Variants in HNRNPK observed in about 807,000 individuals in gnomAD.
HNRNPK encodes heterogeneous nuclear ribonucleoprotein K, also known as dC-stretch binding protein.
A neutral mutation model predicts 67.0 loss-of-function variants in HNRNPK; 7 were observed. That is an observed-to-expected ratio of 0.10 (90% confidence interval 0.06 to 0.20). HNRNPK has a LOEUF of 0.20. Ranked by LOEUF, HNRNPK falls within the 10% of genes least tolerant of loss-of-function variation. HNRNPK has a pLI of 1.00. For synonymous variants in HNRNPK, 213 were observed against 193.7 expected, an observed-to-expected ratio of 1.10 and a Z score of -0.83; for missense variants, 264 against 606.5, an observed-to-expected ratio of 0.44 and a Z score of 5.93.
intron 1 of HNRNPK, among the ~76,000 whole-genome samples, chr9:83,979,909 C>G (rs1056466500): frequency 6.6e-6 from 1 of 152,200 alleles, no homozygotes; most frequent in Non-Finnish European, 1.5e-5. Context: ...GTTCCCAGTG[C>G]CACATAGCTC....
intron 7 of HNRNPK, among the ~76,000 whole-genome samples, chr9:83,974,181 C>T (rs866899005): frequency 6.6e-6 from 1 of 152,028 alleles, no homozygotes; most frequent in East Asian, 1.9e-4. Context: ...AAAATCCTAA[C>T]TAAATCTAAC....
chr9:83,971,839 G>A, intron 11 of HNRNPK, 43 bp downstream of exon 11: 1 of 1,563,156 alleles, frequency 6.4e-7, no homozygotes, highest in Non-Finnish European at 8.7e-7. Context: ...ATAATTCATA[G>A]ATGGGGGAAG....
chr9:83,970,470 G>T, intron 15 of HNRNPK, 139 bp from the exon 16 acceptor site: 1 of 719,736 alleles, frequency 1.4e-6, no homozygotes, highest in Non-Finnish European at 2.3e-6. Context: ...ACCTGTCAAG[G>T]TTTGAGTTAT....
Position 83,972,088 on chromosome 9 carries a change from G to A in HNRNPK, c.747C>T (p.Arg249=), listed in dbSNP as rs371702754. ...FTMMFDDRRG[R]PVGFPMRGRG... ...TTCCCCGCATGGGAAATCCCACTGG[G>A]CGTCCGCGACGGTCATCAAACATCA... is the stretch of plus-strand genomic sequence containing the variant. Residue 249 remains arginine (R), a synonymous_variant, in exon 11 of 17, where the codon CGC becomes CGT. Transcript: ENST00000376263. 3 of 1,613,798 alleles carry A rather than the reference G, an allele frequency of 1.9e-6. No homozygotes were observed. The African/African-American group carries it at 4.0e-5, about 22-fold the overall frequency.
chr9:83,975,006 T>C (rs1052261382), intron 6 of HNRNPK, among the ~76,000 whole-genome samples: 2 of 152,210 alleles, frequency 1.3e-5, no homozygotes, highest in Non-Finnish European at 2.9e-5. Flanking sequence ...AGTAAGGTTA[T>C]GAATACCAGT....
In HNRNPK at chr9:83,974,550, T is replaced by C; in HGVS notation, c.297A>G (p.Glu99=). The change falls in exon 7 of 17, where the codon GAA becomes GAG. Residue 99 remains glutamate (E), a synonymous_variant. Transcript: ENST00000376263. ...AGGTAGGGATGATTTTCTTCAGAAT[T>C]TCTCCAATTGTTTCAATATCAGCAC... The part of the protein sequence containing the change: ...SISADIETIG[E]ILKKIIPTLE... 1.2e-6 allele frequency: 2 copies of C among 1,600,858 alleles called. No individual in the cohort carries two copies.
intron 10 of HNRNPK, 33 bp downstream of exon 10, chr9:83,972,811 A>T: frequency 6.5e-7 from 1 of 1,531,550 alleles, no homozygotes; most frequent in Non-Finnish European, 8.9e-7. Flanking sequence ...TGTTTCATAA[A>T]ATCAAATGTA....
intron 5 of HNRNPK, 196 bp downstream of exon 5, chr9:83,976,799 A>AC (rs879267173): frequency 5.6e-5 from 23 of 412,540 alleles, no homozygotes; most frequent in Admixed American, 1.2e-4. Context: ...GAAAGAAACC[A>AC]CCCCCCCACC....
In HNRNPK at chr9:83,971,886, C is replaced by T; in HGVS notation, c.949G>A (p.Gly317Arg). Residue 317 changes from glycine (G) to arginine (R), a missense_variant, in exon 11 of 17, where the codon GGG becomes AGG. Physicochemically the swap from Gly to Arg is moderately radical, Grantham distance 125. Transcript: ENST00000376263. The part of the protein sequence containing the change: ...LPLPPPPPPR[G>R]GDLMAYDRRG... The stretch of plus-strand genomic sequence containing the variant: ...ACAACAAAAAAAACAACTTACCCCC[C>T]TCTAGGTGGTGGTGGTGGAGGAAGA... 1.3e-6 allele frequency: 2 copies of T among 1,557,828 alleles called. No homozygotes were observed. Among genetic ancestry groups the T allele is most frequent in the Non-Finnish European group, 8.7e-7 (1 of 1,153,508 alleles).
chr9:83,971,242 GAT>G, intron 13 of HNRNPK, 29 bp downstream of exon 13: 1 of 1,361,288 alleles, frequency 7.3e-7, no homozygotes. Context: ...AATTATCACT[GAT>G]ATACACACGA....
intron 7 of HNRNPK, 138 bp from the exon 8 acceptor site, chr9:83,974,111 G>A: frequency 1.8e-6 from 1 of 562,590 alleles, no homozygotes; most frequent in Non-Finnish European, 3.2e-6. Context: ...TCAACATTAA[G>A]ACGATTCAAA....
chr9:83,971,980 A>G lies in HNRNPK; in HGVS notation c.855T>C (p.Pro285=). 6.2e-7 allele frequency: 1 copy of G among 1,608,446 alleles called. No homozygotes were observed. The highest frequency in any genetic ancestry group is 8.5e-7 in the Non-Finnish European group (1 of 1,175,652). Residue 285 remains proline, a synonymous_variant, in exon 11 of 17, where the codon CCT becomes CCC. Transcript: ENST00000376263. ...GAGGAGGGGGAGGTGGTCCTCGACG[A>G]GGGCTCATATCATCATAATCTCTTC... ...PSRRDYDDMS[P]RRGPPPPPPG...
chr9:83,973,577 T>C (rs1376793576), intron 8 of HNRNPK, among the ~76,000 whole-genome samples, 178 bp from the exon 9 acceptor site: 1 of 152,226 alleles, frequency 6.6e-6, no homozygotes, highest in Non-Finnish European at 1.5e-5. Context: ...AAGGACATTC[T>C]GCACCACCTT....
In HNRNPK at chr9:83,969,184, C is replaced by A. The variant is rs1956710339; in HGVS notation, c.*223G>T. On this transcript the variant is annotated 3_prime_UTR_variant, in exon 17 of 17. Coordinates refer to ENST00000376263, the MANE Select transcript of HNRNPK (RefSeq NM_031263.4). The stretch of plus-strand genomic sequence containing the variant: ...ATGTTAGTTTTTGCACGCCCTTCCC[C>A]CCCCCAACCCTGTTTGTAAGGAACT... The A allele has an allele frequency of 7.4e-6, 4 of 540,522 alleles. No individual in the cohort carries two copies. Among genetic ancestry groups the A allele is most frequent in the Non-Finnish European group, 1.0e-5 (3 of 298,690 alleles). 33.5% of individuals were successfully genotyped at this position (540,522 alleles called of 1,614,324 possible).
chr9:83,973,471 CA>C (rs1273200923), intron 8 of HNRNPK, 72 bp from the exon 9 acceptor site: 6 of 861,308 alleles, frequency 7.0e-6, no homozygotes, highest in Non-Finnish European at 1.2e-5. Context: ...CTGCTATAAG[CA>C]TAACAATAAT....
chr9:83,977,612 T>A, intron 4 of HNRNPK, 77 bp downstream of exon 4: 1 of 821,142 alleles, frequency 1.2e-6, no homozygotes, highest in Non-Finnish European at 2.0e-6. Context: ...AACTTTGACT[T>A]TCTAGAAAGC....
intron 1 of HNRNPK, among the ~76,000 whole-genome samples, chr9:83,979,042 C>T (rs915280175): frequency 1.3e-5 from 2 of 152,204 alleles, no homozygotes. Flanking sequence ...AACTAACAGT[C>T]ACTAGCGGAT....
In HNRNPK at chr9:83,969,039, CA is replaced by C; in HGVS notation, c.*367del. 2 of 392,296 alleles carry C rather than the reference CA, an allele frequency of 5.1e-6. No individual in the cohort carries two copies. The highest frequency in any genetic ancestry group is 9.2e-6 in the Non-Finnish European group (2 of 218,226). 24.3% of individuals were successfully genotyped at this position (392,296 alleles called of 1,614,324 possible). A position where few individuals can be genotyped will look rare whatever the true frequency, so the allele number is the denominator to read the frequency against. On this transcript the variant is annotated 3_prime_UTR_variant, in exon 17 of 17. Coordinates refer to ENST00000376263, the MANE Select transcript of HNRNPK (RefSeq NM_031263.4). ...TACTTTTCCTCCCTGTCCCACCCCC[CA>C]AATGTTACAGTGACCACAAAGCAAG...
At position 83,977,822 on chromosome 9, in the gene HNRNPK, C is replaced by A. The variant is rs770247584; in HGVS notation, c.59-36G>T. 2.3e-6 allele frequency: 3 copies of A among 1,317,016 alleles called. No individual in the cohort carries two copies. In the East Asian group the frequency reaches 6.9e-5, roughly 30 times the overall value. The allele number at this position is 1,317,016 out of a possible 1,614,324, so 81.6% of individuals were successfully genotyped here. On this transcript the variant is annotated intron_variant, in intron 3 of 16. Coordinates refer to ENST00000376263, the MANE Select transcript of HNRNPK (RefSeq NM_031263.4). Reference sequence around the variant, plus strand: ...ACAGTTCACATTTCAAAGAAAGCAGCGAAGTCTCCAAAGTAACTCCATTCT... The same window carrying A: ...ACAGTTCACATTTCAAAGAAAGCAGAGAAGTCTCCAAAGTAACTCCATTCT...
Sources: allele counts gnomAD v4.1 joint callset (sites outside exome capture counted in the v4.1 genomes callset), GRCh38; gene constraint gnomAD v4.1.1; transcripts MANE v1.5; gene names NCBI Gene and HGNC (gene_info 2026-07-23, HGNC 2026-07-21).